The following NAALADL2 variants were observed in gnomAD, a reference collection of about 807,000 sequenced individuals.
NAALADL2 encodes N-acetylated alpha-linked acidic dipeptidase like 2, also known as inactive N-acetylated-alpha-linked acidic dipeptidase-like protein 2.
In NAALADL2, 76 loss-of-function variants were observed where a neutral mutation model predicts 87.2. The ratio of observed to expected loss-of-function variants is 0.87; its 90% CI spans 0.72 to 1.05. The LOEUF is 1.05. Among genes scored for constraint, NAALADL2 ranks in the 50% least tolerant of loss-of-function variants. The pLI, the probability that NAALADL2 is intolerant of heterozygous loss-of-function variation, is 0.00. For missense variants in NAALADL2, 1,089 were observed against 945.8 expected, an observed-to-expected ratio of 1.15 and a Z score of -1.99; for synonymous variants, 354 against 331.0, an observed-to-expected ratio of 1.07 and a Z score of -0.75.
At position 174,926,356 on chromosome 3, in the gene NAALADL2, C is replaced by T. The variant is rs61078865; in HGVS notation, c.43+66906C>T. ...ATTCAGATTCAGGAAATACAGAGAACGCCACAAAGATACTCCTCGAGAAGA... is the reference window on the plus strand; with the variant it reads ...ATTCAGATTCAGGAAATACAGAGAATGCCACAAAGATACTCCTCGAGAAGA... On this transcript the variant is annotated intron_variant, in intron 1 of 13. Transcript: ENST00000454872. 4.7e-3 allele frequency among the ~76,000 whole-genome samples: 714 copies of T among 152,074 alleles called. 2 individuals are homozygous for T. The highest frequency in any genetic ancestry group is 0.015 in the African/African-American group (614 of 41,496).
chr3:174,691,057 C>A (rs1728527936), intron 2 of NAALADL2, among the ~76,000 whole-genome samples: 1 of 152,142 alleles, frequency 6.6e-6, no homozygotes, highest in Non-Finnish European at 1.5e-5. Context: ...ATATACCCAT[C>A]TACTGACTGT....
At chr3:174,846,545 A>G (rs1385745714) in intron 3 of NAALADL2, among the ~76,000 whole-genome samples, 2 of 152,218 alleles carry the variant, frequency 1.3e-5, no homozygotes, top group African/African-American at 4.8e-5. Context: ...AGTAGTATCT[A>G]CAGGATACTT....
At chr3:175,627,022 C>T (rs959682910) in intron 10 of NAALADL2, among the ~76,000 whole-genome samples, 6 of 151,806 alleles carry the variant, frequency 4.0e-5, no homozygotes, top group Non-Finnish European at 1.5e-5. Context: ...CTGTCCTAAA[C>T]TGTCACATTT....
intron 1 of NAALADL2, among the ~76,000 whole-genome samples, chr3:174,474,256 C>T (rs1331949328): frequency 1.3e-5 from 2 of 152,156 alleles, no homozygotes; most frequent in Non-Finnish European, 2.9e-5. Flanking sequence ...AAAATTTCCT[C>T]AGGCCATCGA....
intron 3 of NAALADL2, among the ~76,000 whole-genome samples, chr3:174,836,101 T>A (rs997169092): frequency 6.6e-6 from 1 of 152,148 alleles, no homozygotes; most frequent in Non-Finnish European, 1.5e-5. Context: ...CCCAAAAGTC[T>A]ATTGATGGAT....
intron 5 of NAALADL2, among the ~76,000 whole-genome samples, chr3:175,367,346 C>CT (rs1354948841): frequency 7.1e-6 from 1 of 140,984 alleles, no homozygotes; most frequent in Non-Finnish European, 1.5e-5. Context: ...GATGCGGGCT[C>CT]TTTTTTGCTT....
chr3:175,713,046 G>T (rs1740738436), intron 11 of NAALADL2, among the ~76,000 whole-genome samples: 1 of 152,002 alleles, frequency 6.6e-6, no homozygotes, highest in South Asian at 2.1e-4. Context: ...GATTTAATAG[G>T]AAAACAATCT....
At chr3:174,839,061 A>C (rs116832139) in intron 3 of NAALADL2, among the ~76,000 whole-genome samples, 2,908 of 152,296 alleles carry the variant, frequency 0.019, 103 homozygotes, top group African/African-American at 0.066. Context: ...AAAAAGAAGA[A>C]ATCTGAAGGC....
chr3:175,070,631 T>G (rs9862679), intron 1 of NAALADL2, among the ~76,000 whole-genome samples: 1 of 151,898 alleles, frequency 6.6e-6, no homozygotes, highest in Admixed American at 6.6e-5. Context: ...TGCTATGGTA[T>G]AGGGAATCCC....
At chr3:175,030,779 G>A (rs960256904) in intron 1 of NAALADL2, among the ~76,000 whole-genome samples, 2 of 152,014 alleles carry the variant, frequency 1.3e-5, no homozygotes, top group Non-Finnish European at 2.9e-5. Context: ...TTTACTATTA[G>A]CAAGCTCTTG....
At chr3:175,450,377 C>A (rs933625827) in intron 6 of NAALADL2, among the ~76,000 whole-genome samples, 1 of 152,004 alleles carries the variant, frequency 6.6e-6, no homozygotes, top group African/African-American at 2.4e-5. Flanking sequence ...AAGTATAGCC[C>A]TGATCTTTAG....
intron 5 of NAALADL2, 138 bp downstream of exon 5, chr3:175,324,463 A>C (rs1760434560): frequency 1.5e-6 from 1 of 670,830 alleles, no homozygotes; most frequent in African/African-American, 1.9e-5. Context: ...AAAGCAATTT[A>C]TTTTTTATCT....
At chr3:175,195,329 T>C (rs533292455) in intron 2 of NAALADL2, among the ~76,000 whole-genome samples, 24 of 151,772 alleles carry the variant, frequency 1.6e-4, no homozygotes, top group African/African-American at 5.1e-4. Context: ...AGGGAGACAA[T>C]AAGCAAATCA....
At chr3:174,634,139 T>C (rs892384319) in intron 2 of NAALADL2, among the ~76,000 whole-genome samples, 2 of 152,164 alleles carry the variant, frequency 1.3e-5, no homozygotes, top group African/African-American at 4.8e-5. Flanking sequence ...TAAGTTTAGC[T>C]GTTGAGTTTT....
At chr3:175,112,507 T>C (rs572381417) in intron 2 of NAALADL2, 1 of 151,794 alleles carries the variant, frequency 6.6e-6, no homozygotes, top group South Asian at 2.1e-4. Flanking sequence ...TACTGAGTTA[T>C]ACTCCTCTGT....
intron 2 of NAALADL2, among the ~76,000 whole-genome samples, chr3:174,652,145 C>T (rs565270297): frequency 3.3e-5 from 5 of 152,230 alleles, no homozygotes; most frequent in East Asian, 1.9e-4. Context: ...TTAGTATCCT[C>T]GCAGCACTCA....
chr3:175,631,530 C>A (rs574981292), intron 11 of NAALADL2, among the ~76,000 whole-genome samples: 1 of 150,352 alleles, frequency 6.7e-6, no homozygotes, highest in Admixed American at 6.7e-5. Context: ...AAGAAAGTAA[C>A]GAATGAGGCT....
chr3:175,018,134 G>A (rs190855187), intron 1 of NAALADL2, among the ~76,000 whole-genome samples: 138 of 152,128 alleles, frequency 9.1e-4, no homozygotes, highest in African/African-American at 2.5e-3. Flanking sequence ...TCTTTTAGTA[G>A]CAATATTTCC....
intron 2 of NAALADL2, among the ~76,000 whole-genome samples, chr3:174,619,025 A>G (rs1720749070): frequency 6.6e-6 from 1 of 151,948 alleles, no homozygotes; most frequent in Non-Finnish European, 1.5e-5. Flanking sequence ...TTAAAAAATT[A>G]ATGCAGAGAT....
Sources: gnomAD v4.1 joint callset for allele counts (sites outside exome capture counted in the v4.1 genomes callset) on GRCh38, gnomAD v4.1.1 for gene constraint, MANE v1.5 for transcripts, NCBI Gene and HGNC (gene_info 2026-07-23, HGNC 2026-07-21) for gene names.